Variants in MCPH1 observed in about 807,000 individuals in gnomAD.
The protein encoded by MCPH1 is microcephalin 1, also known as microcephalin.
A neutral mutation model predicts 84.5 loss-of-function variants in MCPH1; 104 were observed. The ratio of observed to expected loss-of-function variants is 1.23; its 90% CI spans 1.05 to 1.45. MCPH1 has a LOEUF of 1.45. Ranked by LOEUF, MCPH1 falls within the 40% of genes most tolerant of loss-of-function variation. The pLI is 0.00. For synonymous variants in MCPH1, 514 were observed against 366.8 expected (o/e 1.40, Z -4.58); for missense variants, 1,498 against 1,005.7 (o/e 1.49, Z -6.62).
intron 12 of MCPH1, among the ~76,000 whole-genome samples, chr8:6,554,256 ATG>A (rs763567069): frequency 2.8e-4 from 42 of 151,408 alleles, no homozygotes; most frequent in Non-Finnish European, 5.0e-4. Flanking sequence ...TCTGGACTAA[ATG>A]TGACAAAATT....
chr8:6,564,002 G>A (rs1266940854), intron 12 of MCPH1, among the ~76,000 whole-genome samples: 4 of 109,492 alleles, frequency 3.7e-5, no homozygotes, highest in African/African-American at 1.4e-4. Context: ...TTTTTTTTGA[G>A]ACGGAGTCTC....
chr8:6,606,269 A>G (rs920905308), intron 12 of MCPH1, among the ~76,000 whole-genome samples: 43 of 152,238 alleles, frequency 2.8e-4, no homozygotes, highest in African/African-American at 1.0e-3. Context: ...CGCACATAAA[A>G]TAATATATCT....
intron 12 of MCPH1, among the ~76,000 whole-genome samples, chr8:6,509,298 A>G (rs1814454187): frequency 6.6e-6 from 1 of 152,252 alleles, no homozygotes; most frequent in African/African-American, 2.4e-5. Flanking sequence ...TCACTTGCAC[A>G]ACTATCAGAA....
At chr8:6,435,993 C>G (rs984522054) in intron 4 of MCPH1, 55 bp from the exon 5 acceptor site, 4 of 1,597,100 alleles carry the variant, frequency 2.5e-6, no homozygotes, top group Non-Finnish European at 3.4e-6. Flanking sequence ...AGGGCTTTTT[C>G]TCCTGCCTTA....
chr8:6,430,080 T>C (rs1801621948), intron 3 of MCPH1, among the ~76,000 whole-genome samples: 1 of 152,370 alleles, frequency 6.6e-6, no homozygotes, highest in South Asian at 2.1e-4. Flanking sequence ...GGAAGATCTG[T>C]GTCCTCCCAC....
At position 6,436,520 on chromosome 8, in the gene MCPH1, TTTG is replaced by T. The variant is rs1261072653; in HGVS notation, c.436+361_436+363del. ...TTTGTATTTTTACCTAATTGGCATT[TTTG>T]TTTTGTTACCCTGAATAGGCAAATC... On this transcript the variant is annotated intron_variant, in intron 5 of 13. Transcript: ENST00000344683. Among the ~76,000 whole-genome samples the T allele has an allele frequency of 1.4e-4, 21 of 152,270 alleles. 2 individuals are homozygous for T. Among genetic ancestry groups the T allele is most frequent in the African/African-American group, 4.8e-4 (20 of 41,564 alleles).
intron 3 of MCPH1, among the ~76,000 whole-genome samples, chr8:6,421,262 C>G (rs1428183891): frequency 6.6e-6 from 1 of 152,184 alleles, no homozygotes; most frequent in East Asian, 1.9e-4. Flanking sequence ...GAAATGGCCT[C>G]TCCCTGGCTC....
intron 11 of MCPH1, among the ~76,000 whole-genome samples, chr8:6,483,616 C>G (rs1040120916): frequency 6.6e-6 from 1 of 152,136 alleles, no homozygotes; most frequent in African/African-American, 2.4e-5. Context: ...AGAAAAGGAA[C>G]CTTCCCAACA....
chr8:6,409,843 G>C (rs1276743675), intron 2 of MCPH1, among the ~76,000 whole-genome samples: 2 of 152,174 alleles, frequency 1.3e-5, no homozygotes, highest in African/African-American at 2.4e-5. Context: ...GGCATGGTTA[G>C]GATGAAGAGT....
intron 12 of MCPH1, chr8:6,501,127 T>A (rs960113397): frequency 6.6e-6 from 1 of 152,226 alleles, no homozygotes; most frequent in Admixed American, 6.5e-5. Flanking sequence ...GGTTCTTAAC[T>A]AGTTAAATAG....
chr8:6,602,448 G>C (rs1051186992), intron 12 of MCPH1, among the ~76,000 whole-genome samples: 2 of 152,150 alleles, frequency 1.3e-5, no homozygotes, highest in Non-Finnish European at 2.9e-5. Context: ...GGATAGGAGG[G>C]AAAGCCAGAC....
At chr8:6,434,595 A>T (rs553735966) in intron 4 of MCPH1, among the ~76,000 whole-genome samples, 2 of 152,312 alleles carry the variant, frequency 1.3e-5, no homozygotes, top group Admixed American at 6.5e-5. Flanking sequence ...GATGACAAGG[A>T]TCTTTCTAGG....
At chr8:6,505,121 C>G (rs1468922791) in intron 12 of MCPH1, among the ~76,000 whole-genome samples, 2 of 80,912 alleles carry the variant, frequency 2.5e-5, no homozygotes, top group Non-Finnish European at 5.8e-5. Context: ...CTGGCAGGTC[C>G]TCTTTAGCCT....
At chr8:6,507,288 A>G (rs937677012) in intron 12 of MCPH1, among the ~76,000 whole-genome samples, 21 of 152,236 alleles carry the variant, frequency 1.4e-4, no homozygotes, top group Admixed American at 3.9e-4. Context: ...CATGTTGACC[A>G]TAGCTGTTAC....
intron 12 of MCPH1, among the ~76,000 whole-genome samples, chr8:6,589,447 C>G (rs1828268766): frequency 1.3e-5 from 2 of 152,158 alleles, no homozygotes; most frequent in Admixed American, 6.5e-5. Context: ...CGATTTCCCA[C>G]CAGAAATTCC....
chr8:6,623,007 TAC>T (rs2129580975), intron 13 of MCPH1, among the ~76,000 whole-genome samples: 1 of 93,634 alleles, frequency 1.1e-5, no homozygotes, highest in Non-Finnish European at 2.3e-5. Flanking sequence ...TGCCCAGCTT[TAC>T]TTTCTTTTTT....
At chr8:6,602,420 C>T (rs1163105969) in intron 12 of MCPH1, among the ~76,000 whole-genome samples, 1 of 152,068 alleles carries the variant, frequency 6.6e-6, no homozygotes, top group Non-Finnish European at 1.5e-5. Flanking sequence ...GACACCTGAG[C>T]CTCAGCAGTG....
intron 3 of MCPH1, among the ~76,000 whole-genome samples, chr8:6,428,374 A>C (rs559330983): frequency 6.6e-6 from 1 of 152,168 alleles, no homozygotes; most frequent in African/African-American, 2.4e-5. Flanking sequence ...ATCTTATGTG[A>C]TCACTGTTGT....
intron 12 of MCPH1, among the ~76,000 whole-genome samples, chr8:6,523,219 G>T (rs964001622): frequency 3.3e-5 from 5 of 152,040 alleles, no homozygotes; most frequent in Non-Finnish European, 5.9e-5. Context: ...GGGTGGTCTC[G>T]ATCTCCTGAC....
Sources: allele counts gnomAD v4.1 joint callset (sites outside exome capture counted in the v4.1 genomes callset), GRCh38; gene constraint gnomAD v4.1.1; transcripts MANE v1.5; gene names NCBI Gene and HGNC (gene_info 2026-07-23, HGNC 2026-07-21).